Variants in PCDH15 observed in about 807,000 individuals in gnomAD.
PCDH15 encodes protocadherin-15.
PCDH15 carries 129 observed loss-of-function variants against 178.5 expected under a neutral mutation model. The observed-to-expected ratio is 0.72, with a 90% CI of 0.63 to 0.84. PCDH15 has a LOEUF of 0.84. Ranked by LOEUF, PCDH15 falls within the 40% of genes least tolerant of loss-of-function variation. The pLI, the probability that PCDH15 is intolerant of heterozygous loss-of-function variation, is 0.00. For synonymous variants in PCDH15, 800 were observed against 732.0 expected (o/e 1.09, Z -1.50); for missense variants, 2,230 against 2,099.9 (o/e 1.06, Z -1.21).
At chr10:54,066,002 C>T (rs1244242226) in intron 18 of PCDH15, among the ~76,000 whole-genome samples, 1 of 152,154 alleles carries the variant, frequency 6.6e-6, no homozygotes. Flanking sequence ...ACCCTGAACT[C>T]TGGGTTTGGA....
intron 2 of PCDH15, among the ~76,000 whole-genome samples, chr10:55,459,575 G>C (rs1052953695): frequency 1.3e-5 from 2 of 152,232 alleles, no homozygotes; most frequent in African/African-American, 4.8e-5. Flanking sequence ...GGGAAGAAGT[G>C]ATTGGAACAC....
chr10:54,603,245 A>G (rs1487558482), intron 2 of PCDH15, among the ~76,000 whole-genome samples: 3 of 151,904 alleles, frequency 2.0e-5, no homozygotes, highest in African/African-American at 4.8e-5. Flanking sequence ...TTTCATATAC[A>G]GTTTTATTTA....
At chr10:54,250,466 G>A (rs1206807928) in intron 8 of PCDH15, among the ~76,000 whole-genome samples, 2 of 150,974 alleles carry the variant, frequency 1.3e-5, no homozygotes, top group Non-Finnish European at 2.9e-5. Context: ...CGTATTTTTA[G>A]TAGAGACAGG....
chr10:54,395,331 G>T (rs1236216251), intron 3 of PCDH15, among the ~76,000 whole-genome samples: 1 of 150,994 alleles, frequency 6.6e-6, no homozygotes, highest in African/African-American at 2.4e-5. Context: ...AGGTCCCTCC[G>T]TTTGGGGTCC....
intron 2 of PCDH15, among the ~76,000 whole-genome samples, chr10:54,607,606 A>G (rs1435218621): frequency 6.6e-6 from 1 of 152,136 alleles, no homozygotes; most frequent in African/African-American, 2.4e-5. Flanking sequence ...AGTAGAAATC[A>G]ACCCATAGTC....
chr10:55,499,821 T>C (rs1444930550), intron 2 of PCDH15, among the ~76,000 whole-genome samples: 1 of 151,732 alleles, frequency 6.6e-6, no homozygotes, highest in Non-Finnish European at 1.5e-5. Context: ...ATTTATTTGG[T>C]AACAGTTCCT....
At chr10:54,112,841 C>G (rs2095050041) in intron 15 of PCDH15, among the ~76,000 whole-genome samples, 1 of 152,110 alleles carries the variant, frequency 6.6e-6, no homozygotes, top group Non-Finnish European at 1.5e-5. Context: ...CCTGGGGTAA[C>G]AGTTCATTAC....
intron 1 of PCDH15, among the ~76,000 whole-genome samples, chr10:54,775,879 C>T (rs972164339): frequency 1.3e-5 from 2 of 152,146 alleles, no homozygotes; most frequent in African/African-American, 4.8e-5. Context: ...GAGCAAGACT[C>T]CGTCTCAAAC....
intron 2 of PCDH15, among the ~76,000 whole-genome samples, chr10:54,661,051 A>G (rs1291734850): frequency 6.6e-6 from 1 of 151,918 alleles, no homozygotes; most frequent in Non-Finnish European, 1.5e-5. Context: ...ACTCTCAGCA[A>G]TCAGGCAAGG....
chr10:54,317,314 C>T lies in PCDH15; in HGVS notation c.833G>A (p.Arg278His), dbSNP rs369442293. The T allele has an allele frequency of 5.7e-5, 92 of 1,613,806 alleles. No homozygotes were observed. In the East Asian group the frequency reaches 8.2e-4, roughly 14 times the overall value. Residue 278 changes from arginine to histidine, a missense_variant, in exon 8 of 38, where the codon CGT (arginine) becomes CAT (histidine). Physicochemically the swap from Arg to His is conservative, Grantham distance 29. Coordinates refer to ENST00000644397, the MANE Select transcript of PCDH15 (RefSeq NM_001384140.1). ...CVLVPNTRDCRPLTYQAAIPE... is the reference protein window; with the variant it reads ...CVLVPNTRDCHPLTYQAAIPE... Reference sequence around the variant, plus strand: ...TATGGCAGCTTGATAAGTGAGTGGACGGCAATCACGAGTGTTTGGCACAAG... The same window carrying T: ...TATGGCAGCTTGATAAGTGAGTGGATGGCAATCACGAGTGTTTGGCACAAG...
intron 26 of PCDH15, among the ~76,000 whole-genome samples, chr10:53,887,704 C>T (rs951991786): frequency 3.3e-5 from 5 of 151,956 alleles, no homozygotes; most frequent in African/African-American, 9.7e-5. Flanking sequence ...CTGACTAACA[C>T]GGGTGAAACC....
intron 6 of PCDH15, among the ~76,000 whole-genome samples, chr10:54,343,644 C>T (rs1026134899): frequency 7.9e-5 from 8 of 101,792 alleles, no homozygotes; most frequent in East Asian, 2.2e-4. Flanking sequence ...TGTAGATTTG[C>T]GGGGGGAGGT....
intron 1 of PCDH15, among the ~76,000 whole-genome samples, chr10:55,236,960 C>T (rs982785981): frequency 9.3e-5 from 14 of 151,302 alleles, no homozygotes; most frequent in East Asian, 3.8e-4. Flanking sequence ...TCAAAAGTCA[C>T]GTGTACGCAT....
In PCDH15 at chr10:54,236,889, T is replaced by G; in HGVS notation, c.919A>C (p.Ile307Leu). The G allele has an allele frequency of 6.2e-7, 1 of 1,613,710 alleles. No homozygotes were observed. The highest frequency in any genetic ancestry group is 2.2e-5 in the East Asian group (1 of 44,824). ...GGTTGAATATTCCGGTCCTGATCAA[T>G]GGCTTGGATTGGTGGCGTAACAATA... ...PIIVTPPIQA[I>L]DQDRNIQPPS... is the part of the protein sequence containing the mutation. The change falls in exon 9 of 38, where the codon ATT becomes CTT. Residue 307 changes from isoleucine to leucine, a missense_variant. By Grantham distance (5) the Ile-to-Leu change is conservative (BLOSUM62 2). Transcript: ENST00000644397.
chr10:55,218,514 T>C (rs920109912), intron 1 of PCDH15, among the ~76,000 whole-genome samples: 1 of 152,034 alleles, frequency 6.6e-6, no homozygotes, highest in African/African-American at 2.4e-5. Context: ...CATCCTTCCC[T>C]GACTCAGCCT....
At chr10:55,446,156 C>T (rs1007543276) in intron 2 of PCDH15, among the ~76,000 whole-genome samples, 4 of 151,750 alleles carry the variant, frequency 2.6e-5, no homozygotes, top group Non-Finnish European at 4.4e-5. Flanking sequence ...TAATAAATAA[C>T]ACCATGTAGT....
At chr10:55,578,136 G>A (rs1268062040) in intron 2 of PCDH15, among the ~76,000 whole-genome samples, 1 of 151,980 alleles carries the variant, frequency 6.6e-6, no homozygotes, top group Non-Finnish European at 1.5e-5. Context: ...TTGCCTCTTT[G>A]TCTAATTAAG....
At chr10:55,566,459 T>C (rs969624127) in intron 2 of PCDH15, among the ~76,000 whole-genome samples, 3 of 151,402 alleles carry the variant, frequency 2.0e-5, no homozygotes, top group African/African-American at 7.2e-5. Flanking sequence ...AAGATCTGGC[T>C]AGAAAAAAAT....
intron 32 of PCDH15, chr10:53,825,107 C>A: frequency 6.6e-7 from 1 of 1,526,172 alleles, no homozygotes; most frequent in South Asian, 1.3e-5. Flanking sequence ...TTCTAACGCT[C>A]TTCTATTAGA....
Sources: gnomAD v4.1 joint callset for allele counts (sites outside exome capture counted in the v4.1 genomes callset) on GRCh38, gnomAD v4.1.1 for gene constraint, MANE v1.5 for transcripts, NCBI Gene and HGNC (gene_info 2026-07-23, HGNC 2026-07-21) for gene names.